Variants in FHIT observed in about 807,000 individuals in gnomAD.
FHIT encodes the protein bis(5'-adenosyl)-triphosphatase.
Under a neutral mutation model 17.9 loss-of-function variants are expected in FHIT, and 19 were observed. The ratio of observed to expected loss-of-function variants is 1.06; its 90% CI spans 0.74 to 1.56. The LOEUF is 1.56. Ranked by LOEUF, FHIT falls within the 40% of genes most tolerant of loss-of-function variation. The probability of loss-of-function intolerance (pLI) is 0.00; values close to 1 mark genes in which losing one functional copy is unlikely to be tolerated. For synonymous variants in FHIT, 81 were observed against 69.7 expected (o/e 1.16, Z -0.81); for missense variants, 248 against 189.2 (o/e 1.31, Z -1.82).
At chr3:60,684,576 T>A (rs1226474472) in intron 4 of FHIT, among the ~76,000 whole-genome samples, 2 of 152,004 alleles carry the variant, frequency 1.3e-5, no homozygotes, top group Non-Finnish European at 2.9e-5. Context: ...CTTCCCAACC[T>A]CAGAGTGAGG....
intron 2 of FHIT, among the ~76,000 whole-genome samples, chr3:61,058,176 A>G (rs2034292671): frequency 6.6e-6 from 1 of 152,234 alleles, no homozygotes; most frequent in Non-Finnish European, 1.5e-5. Context: ...AACGTGAGCC[A>G]TGAGTTTTAT....
intron 5 of FHIT, among the ~76,000 whole-genome samples, chr3:60,251,834 A>C (rs1021084418): frequency 5.9e-5 from 9 of 152,220 alleles, no homozygotes; most frequent in African/African-American, 2.2e-4. Context: ...AACTATGTGC[A>C]AGACATGACA....
At chr3:60,824,740 C>T (rs1202195606) in intron 3 of FHIT, among the ~76,000 whole-genome samples, 1 of 152,052 alleles carries the variant, frequency 6.6e-6, no homozygotes, top group Non-Finnish European at 1.5e-5. Flanking sequence ...GAATAAGTCT[C>T]GAGAGATCTG....
At position 60,419,992 on chromosome 3, in the gene FHIT, A is replaced by T. The variant is rs138291350; in HGVS notation, c.103+116868T>A. On this transcript the variant is annotated intron_variant, in intron 5 of 9. Transcript: ENST00000492590. ...TACAGATGTCAAAAGTCTATTCTAC[A>T]TCCTTCTAGTCCTTATAAATGTACA... Among the ~76,000 whole-genome samples the T allele has an allele frequency of 1.8e-4, 27 of 152,294 alleles. No individual in the cohort carries two copies. The East Asian group carries it at 4.4e-3, about 25-fold the overall frequency.
At chr3:59,904,103 G>A (rs376890439) in intron 8 of FHIT, among the ~76,000 whole-genome samples, 1 of 139,542 alleles carries the variant, frequency 7.2e-6, no homozygotes, top group African/African-American at 2.7e-5. Context: ...CCCCCGGACA[G>A]CCAGTTGTTC....
chr3:60,960,418 T>C (rs1453238708), intron 3 of FHIT, among the ~76,000 whole-genome samples: 1 of 152,202 alleles, frequency 6.6e-6, no homozygotes, highest in Non-Finnish European at 1.5e-5. Flanking sequence ...TGACTATTAT[T>C]TTTTCAATTT....
intron 7 of FHIT, among the ~76,000 whole-genome samples, chr3:59,969,803 A>G (rs531620839): frequency 1.4e-4 from 22 of 152,248 alleles, no homozygotes; most frequent in Admixed American, 3.9e-4. Context: ...TTTTCTTGAA[A>G]GTAAAATAAC....
intron 4 of FHIT, among the ~76,000 whole-genome samples, chr3:60,601,067 G>T (rs1394039236): frequency 1.3e-5 from 2 of 152,154 alleles, no homozygotes; most frequent in Non-Finnish European, 2.9e-5. Context: ...CCCAGAGTTT[G>T]TTGACTTCCA....
intron 5 of FHIT, among the ~76,000 whole-genome samples, chr3:60,462,255 T>C (rs1212916591): frequency 6.6e-6 from 1 of 152,176 alleles, no homozygotes; most frequent in African/African-American, 2.4e-5. Flanking sequence ...TCATTTACTC[T>C]CCACCACACC....
intron 5 of FHIT, among the ~76,000 whole-genome samples, chr3:60,173,378 C>G (rs1270456950): frequency 6.6e-6 from 1 of 152,138 alleles, no homozygotes; most frequent in Non-Finnish European, 1.5e-5. Context: ...GTCAGCCACC[C>G]TGGTATGAAT....
At chr3:61,053,670 A>AAAC (rs1390130931) in intron 2 of FHIT, among the ~76,000 whole-genome samples, 2 of 151,822 alleles carry the variant, frequency 1.3e-5, no homozygotes, top group Non-Finnish European at 2.9e-5. Context: ...TCAAGAAAAA[A>AAAC]AAAATTGTGT....
intron 7 of FHIT, among the ~76,000 whole-genome samples, chr3:59,924,675 A>G (rs73104510): frequency 0.12 from 17,769 of 152,282 alleles, 1,462 homozygotes; most frequent in Admixed American, 0.16. Context: ...TGATTTCTGC[A>G]CCAGCAAAAA....
chr3:59,985,336 T>G (rs139918330), intron 7 of FHIT, among the ~76,000 whole-genome samples: 30 of 152,250 alleles, frequency 2.0e-4, no homozygotes, highest in African/African-American at 7.0e-4. Context: ...GCAGAGTATT[T>G]GCCAAAACTC....
chr3:60,677,780 T>C (rs1390912080), intron 4 of FHIT, among the ~76,000 whole-genome samples: 1 of 152,202 alleles, frequency 6.6e-6, no homozygotes, highest in Non-Finnish European at 1.5e-5. Flanking sequence ...AATTTGGCTA[T>C]GAAGCCATCC....
intron 3 of FHIT, among the ~76,000 whole-genome samples, chr3:60,883,247 T>C (rs1197283179): frequency 5.9e-5 from 9 of 152,118 alleles, no homozygotes; most frequent in African/African-American, 1.9e-4. Context: ...AAATATCCCA[T>C]ATTCATGAAT....
Position 60,612,256 on chromosome 3 carries a change from A to G in FHIT, c.-17-75277T>C, listed in dbSNP as rs563438356. Among the ~76,000 whole-genome samples, 148 of 152,262 alleles carry G rather than the reference A, an allele frequency of 9.7e-4. 1 individual carries two copies. The highest frequency in any genetic ancestry group is 1.4e-3 in the Non-Finnish European group (95 of 68,014). On this transcript the variant is annotated intron_variant, in intron 4 of 9. Transcript: ENST00000492590. ...ATAAGTCACATATTCTCTGATCTCC[A>G]TTTCCCAAATCACACAAATTGAGAG...
intron 3 of FHIT, among the ~76,000 whole-genome samples, chr3:60,835,046 GC>G (rs1219195019): frequency 1.3e-5 from 2 of 152,010 alleles, no homozygotes; most frequent in East Asian, 3.9e-4. Flanking sequence ...TTTCTCTAAT[GC>G]CTTCTCCTTC....
In FHIT at chr3:59,879,337, A is replaced by G. The variant is rs562781070; in HGVS notation, c.348+43009T>C. ...AGCCAGAACATGAGGATACATTGAT[A>G]TTTCTCAATACAGCCCCTGCTTCCC... On this transcript the variant is annotated intron_variant, in intron 8 of 9. Transcript: ENST00000492590. Among the ~76,000 whole-genome samples the G allele has an allele frequency of 2.0e-5, 3 of 152,294 alleles. No homozygotes were observed. In the South Asian group the frequency reaches 6.2e-4, roughly 32 times the overall value.
At chr3:60,691,510 C>T (rs1456713402) in intron 4 of FHIT, among the ~76,000 whole-genome samples, 2 of 152,012 alleles carry the variant, frequency 1.3e-5, no homozygotes, top group African/African-American at 4.8e-5. Flanking sequence ...GCTGGGACTG[C>T]AGGTGTGTGC....
Sources: gnomAD v4.1 joint callset for allele counts (sites outside exome capture counted in the v4.1 genomes callset) on GRCh38, gnomAD v4.1.1 for gene constraint, MANE v1.5 for transcripts, NCBI Gene and HGNC (gene_info 2026-07-23, HGNC 2026-07-21) for gene names.